The following ARHGEF18 variants were observed in gnomAD, a reference collection of about 807,000 sequenced individuals.
The protein encoded by ARHGEF18 is Rho/Rac guanine nucleotide exchange factor 18.
A neutral mutation model predicts 155.7 loss-of-function variants in ARHGEF18; 93 were observed. The observed-to-expected ratio is 0.60, with a 90% CI of 0.50 to 0.71. ARHGEF18 has a LOEUF of 0.71. Among genes scored for constraint, ARHGEF18 ranks in the 30% least tolerant of loss-of-function variants. The pLI is 0.00. For synonymous variants in ARHGEF18, 742 were observed against 753.1 expected, an observed-to-expected ratio of 0.99 and a Z score of 0.24; for missense variants, 1,593 against 1,816.1, an observed-to-expected ratio of 0.88 and a Z score of 2.23.
chr19:7,378,254 T>C, intron 5 of ARHGEF18, 140 bp from the exon 6 acceptor site: 1 of 516,950 alleles, frequency 1.9e-6, no homozygotes, highest in Non-Finnish European at 3.0e-6. Context: ...CTCGTCTCTG[T>C]TGCCTGAGAG....
chr19:7,352,077 G>C (rs1055808781), intron 1 of ARHGEF18, among the ~76,000 whole-genome samples: 22 of 152,018 alleles, frequency 1.4e-4, no homozygotes, highest in Non-Finnish European at 2.8e-4. Flanking sequence ...TTGGTCATGA[G>C]GTTCTGTCTT....
At chr19:7,414,585 C>T (rs1218059264) in intron 10 of ARHGEF18, among the ~76,000 whole-genome samples, 2 of 151,728 alleles carry the variant, frequency 1.3e-5, no homozygotes, top group African/African-American at 2.4e-5. Flanking sequence ...CTGAGGCAGG[C>T]GGATCACAAG....
chr19:7,469,177 G>A, intron 27 of ARHGEF18, 46 bp downstream of exon 27: 3 of 1,524,584 alleles, frequency 2.0e-6, no homozygotes, highest in Non-Finnish European at 2.6e-6. Context: ...GGTGCAACTG[G>A]TCAGGCTCTA....
Position 7,381,852 on chromosome 19 carries a change from TCTCA to T in ARHGEF18, c.722+867_722+870del, listed in dbSNP as rs555605363. Among the ~76,000 whole-genome samples, 12 of 152,140 alleles carry T rather than the reference TCTCA, an allele frequency of 7.9e-5. No individual in the cohort carries two copies. In the South Asian group the frequency reaches 2.1e-3, roughly 26 times the overall value. On this transcript the variant is annotated intron_variant, in intron 8 of 28. Coordinates refer to ENST00000668164, the MANE Select transcript of ARHGEF18 (RefSeq NM_001367823.1). ...CTCTCCCTCCTTTCCTCCCTCCCTC[TCTCA>T]CTCACTCATTCATTCAAGAAACATT...
chr19:7,459,793 A>T, intron 19 of ARHGEF18, 110 bp from the exon 20 acceptor site: 1 of 871,574 alleles, frequency 1.1e-6, no homozygotes, highest in Non-Finnish European at 1.8e-6. Flanking sequence ...AAGCTAAATC[A>T]CTCCCAAAGT....
intron 10 of ARHGEF18, among the ~76,000 whole-genome samples, chr19:7,436,258 G>GT (rs1202109404): frequency 9.8e-5 from 13 of 132,578 alleles, no homozygotes; most frequent in East Asian, 4.3e-4. Flanking sequence ...CTTACATGCT[G>GT]TTTTTTTTGT....
chr19:7,382,166 A>G (rs1035501689), intron 8 of ARHGEF18, among the ~76,000 whole-genome samples: 5 of 152,072 alleles, frequency 3.3e-5, no homozygotes, highest in African/African-American at 9.7e-5. Flanking sequence ...TAATCCCAGC[A>G]TTTTGGGAAG....
downstream of ARHGEF18, among the ~76,000 whole-genome samples, chr19:7,474,725 G>C (rs575078056): frequency 4.0e-4 from 60 of 150,392 alleles, 1 homozygote; most frequent in South Asian, 0.012. Context: ...AAACTGGCCA[G>C]TTGCTATTCT....
chr19:7,429,065 C>T (rs1198057445), intron 10 of ARHGEF18, among the ~76,000 whole-genome samples: 1 of 152,228 alleles, frequency 6.6e-6, no homozygotes, highest in Non-Finnish European at 1.5e-5. Flanking sequence ...GGACTCTGAC[C>T]CGGCCCCACA....
chr19:7,375,335 GAAGA>G (rs2145413687), intron 3 of ARHGEF18, among the ~76,000 whole-genome samples: 3 of 117,552 alleles, frequency 2.6e-5, no homozygotes, highest in South Asian at 2.6e-4. Context: ...GAAAGAAAAG[GAAGA>G]AAGAAAAAGA....
At chr19:7,456,476 G>A (rs1203725252) in intron 18 of ARHGEF18, 73 bp downstream of exon 18, 1 of 1,412,356 alleles carries the variant, frequency 7.1e-7, no homozygotes, top group Non-Finnish European at 1.0e-6. Flanking sequence ...CAGCACTTTG[G>A]GAGGCCGAGG....
In ARHGEF18 at chr19:7,376,655, C is replaced by T. The variant is rs1189048680; in HGVS notation, c.439C>T (p.Pro147Ser). Residue 147 changes from proline (P) to serine (S), a missense_variant, in exon 5 of 29, where the codon CCC becomes TCC. Pro to Ser is a moderately conservative substitution (Grantham distance 74). Transcript: ENST00000668164. Reference protein sequence around the residue: ...AESPGKECDSPKKRGRSRSVP... With the variant: ...AESPGKECDSSKKRGRSRSVP... ...TAATCCCCTGCAGGAATGTGACAGC[C>T]CCAAGAAAAGAGGGAGGTCAAGGTC... 2.4e-6 allele frequency: 3 copies of T among 1,234,310 alleles called. No homozygotes were observed. The highest frequency in any genetic ancestry group is 3.0e-6 in the Non-Finnish European group (3 of 988,154). The allele number at this position is 1,234,310 out of a possible 1,614,324, so 76.5% of individuals were successfully genotyped here. A position where few individuals can be genotyped will look rare whatever the true frequency, so the allele number is the denominator to read the frequency against.
At chr19:7,437,892 G>A (rs1019475742) in intron 10 of ARHGEF18, among the ~76,000 whole-genome samples, 3 of 151,648 alleles carry the variant, frequency 2.0e-5, no homozygotes, top group African/African-American at 4.8e-5. Context: ...ATCCACCCGC[G>A]TCGGCCTTCC....
chr19:7,456,542 C>T, intron 18 of ARHGEF18, 139 bp downstream of exon 18: 1 of 758,716 alleles, frequency 1.3e-6, no homozygotes, highest in Non-Finnish European at 2.3e-6. Context: ...CATGGTGAAA[C>T]CTCACCTCTA....
chr19:7,430,368 ATTTT>A (rs11301630), intron 10 of ARHGEF18, among the ~76,000 whole-genome samples: 1 of 143,724 alleles, frequency 7.0e-6, no homozygotes, highest in Admixed American at 7.0e-5. Flanking sequence ...TGCCTGGCTA[ATTTT>A]TTTTTTTTTT....
At chr19:7,367,091 A>G (rs1248112565) in intron 2 of ARHGEF18, among the ~76,000 whole-genome samples, 2 of 152,110 alleles carry the variant, frequency 1.3e-5, no homozygotes, top group African/African-American at 4.8e-5. Flanking sequence ...AAACAGCAAT[A>G]TATTATTCTA....
chr19:7,423,197 C>T (rs994911246), intron 10 of ARHGEF18, among the ~76,000 whole-genome samples: 4 of 152,054 alleles, frequency 2.6e-5, no homozygotes, highest in Admixed American at 6.6e-5. Flanking sequence ...TTGCACGGTC[C>T]GGTCTGCGTT....
chr19:7,426,486 C>CAAA (rs760020542), intron 10 of ARHGEF18, among the ~76,000 whole-genome samples: 33,708 of 99,990 alleles, frequency 0.34, 5,094 homozygotes, highest in Middle Eastern at 0.55. Flanking sequence ...GACTCTGTCT[C>CAAA]AAAAAAAAAA....
rs190161469 is a variant in ARHGEF18, at chr19:7,422,906, A to G, written c.968-17438A>G. On this transcript the variant is annotated intron_variant, in intron 10 of 28. Transcript: ENST00000668164. ...GCTACTTTTTGTATTTGTAGCAGAG[A>G]TGGGGTTTCACCATGTTGGCCAGGC... Among the ~76,000 whole-genome samples, 722 of 152,006 alleles carry G rather than the reference A, an allele frequency of 4.7e-3. 5 individuals are homozygous for G. The highest frequency in any genetic ancestry group is 8.1e-3 in the Non-Finnish European group (550 of 67,958).
Sources: gnomAD v4.1 joint callset for allele counts (sites outside exome capture counted in the v4.1 genomes callset) on GRCh38, gnomAD v4.1.1 for gene constraint, MANE v1.5 for transcripts, NCBI Gene and HGNC (gene_info 2026-07-23, HGNC 2026-07-21) for gene names.